Variants in PIWIL3 observed in about 807,000 individuals in gnomAD.
The protein encoded by PIWIL3 is piwi-like protein 3.
PIWIL3 carries 101 observed loss-of-function variants against 109.7 expected under a neutral mutation model. The observed-to-expected ratio is 0.92, with a 90% CI of 0.78 to 1.09. The LOEUF (loss-of-function observed/expected upper bound fraction) is 1.09, where lower values mean the gene tolerates loss of function less well. PIWIL3 is among the 50% of genes least tolerant of loss of function. PIWIL3 has a pLI of 0.00. For missense variants in PIWIL3, 1,031 were observed against 1,072.6 expected (o/e 0.96, Z 0.54); for synonymous variants, 373 against 376.4 (o/e 0.99, Z 0.10).
rs115342800 is a variant in PIWIL3, at chr22:24,761,134, G to A, written c.103-1145C>T. 3.0e-3 allele frequency among the ~76,000 whole-genome samples: 463 copies of A among 152,190 alleles called. 3 individuals are homozygous for A. The highest frequency in any genetic ancestry group is 0.01 in the African/African-American group (431 of 41,518). On this transcript the variant is annotated intron_variant, in intron 2 of 20. Transcript: ENST00000616349. Reference sequence around the variant, plus strand: ...GTGTGAGTTGTCCACGGACACCCGTGGGGGTGTTAGGTGGTGCAGGAGAGG... The same window carrying A: ...GTGTGAGTTGTCCACGGACACCCGTAGGGGTGTTAGGTGGTGCAGGAGAGG...
At chr22:24,762,245 C>T (rs1193784273) in intron 2 of PIWIL3, 153 bp downstream of exon 2, 9 of 1,295,002 alleles carry the variant, frequency 6.9e-6, no homozygotes, top group Non-Finnish European at 9.0e-6. Flanking sequence ...CCTCCCCATG[C>T]TGCCATCTAT....
chr22:24,753,531 T>C (rs74455972), intron 8 of PIWIL3, among the ~76,000 whole-genome samples: 2,929 of 152,306 alleles, frequency 0.019, 88 homozygotes, highest in African/African-American at 0.068. Flanking sequence ...CAGAACTTTC[T>C]GGTAAGTTTT....
At chr22:24,755,729 C>T (rs1303036299) in intron 6 of PIWIL3, 55 bp downstream of exon 6, 6 of 1,606,708 alleles carry the variant, frequency 3.7e-6, no homozygotes, top group Non-Finnish European at 4.3e-6. Flanking sequence ...TTCCACACCA[C>T]TACACAGTAA....
Position 24,754,825 on chromosome 22 carries a change from G to A in PIWIL3, c.732C>T (p.Asn244=), listed in dbSNP as rs376142399. The A allele has an allele frequency of 1.2e-6, 2 of 1,612,998 alleles. No homozygotes were observed. Among genetic ancestry groups the A allele is most frequent in the Admixed American group, 1.7e-5 (1 of 60,016 alleles). Residue 244 remains asparagine, a synonymous_variant, in exon 7 of 21, where the codon AAC becomes AAT. Coordinates refer to ENST00000616349, the MANE Select transcript of PIWIL3 (RefSeq NM_001255975.1). ...GAATGGCCTTCTTTTTGGTATAATA[G>A]TTGCGACCAACTTGTTCAAAATCCA... ...KLLDFEQVGR[N]YYTKKKAIQL...
In PIWIL3 at chr22:24,719,853, A is replaced by G. The variant is rs768715411; in HGVS notation, c.2400T>C (p.Thr800=). The change falls in exon 20 of 21, where the codon ACT becomes ACC. Residue 800 remains threonine (T), a synonymous_variant. Coordinates refer to ENST00000616349, the MANE Select transcript of PIWIL3 (RefSeq NM_001255975.1). ...FIVSQSVQDG[T]VTPTHYNVIY... is the part of the protein sequence containing the mutation. Reference sequence around the variant, plus strand: ...TGACGTTATAATGAGTGGGGGTAACAGTCCCATCTTGCACAGACTGACTCA... The same window carrying G: ...TGACGTTATAATGAGTGGGGGTAACGGTCCCATCTTGCACAGACTGACTCA... The G allele has an allele frequency of 6.2e-7, 1 of 1,612,138 alleles. No individual in the cohort carries two copies.
At chr22:24,724,084 C>T (rs976370520) in intron 18 of PIWIL3, among the ~76,000 whole-genome samples, 5 of 152,192 alleles carry the variant, frequency 3.3e-5, no homozygotes, top group African/African-American at 1.2e-4. Flanking sequence ...CGGTCTGCTA[C>T]TGCCAGGTCC....
intron 14 of PIWIL3, among the ~76,000 whole-genome samples, chr22:24,732,033 A>G (rs569619238): frequency 6.6e-6 from 1 of 152,336 alleles, no homozygotes; most frequent in Admixed American, 6.5e-5. Context: ...TACCTACCAT[A>G]AAGAAAACCG....
chr22:24,724,119 C>A (rs1034653000), intron 18 of PIWIL3, among the ~76,000 whole-genome samples: 1 of 152,146 alleles, frequency 6.6e-6, no homozygotes, highest in Admixed American at 6.6e-5. Flanking sequence ...TTCTGACTTG[C>A]GTGTGGAACG....
intron 12 of PIWIL3, among the ~76,000 whole-genome samples, chr22:24,740,307 G>C (rs1923923536): frequency 6.6e-6 from 1 of 151,138 alleles, no homozygotes; most frequent in Non-Finnish European, 1.5e-5. Flanking sequence ...CCAGCACTTT[G>C]GGAGCCCGAG....
intron 13 of PIWIL3, among the ~76,000 whole-genome samples, chr22:24,735,050 A>T (rs796074228): frequency 7.9e-5 from 12 of 152,216 alleles, no homozygotes; most frequent in African/African-American, 1.9e-4. Flanking sequence ...AAAAAATAAA[A>T]AAATAAAAAA....
At chr22:24,728,945 A>G (rs1351016087) in intron 14 of PIWIL3, among the ~76,000 whole-genome samples, 1 of 152,212 alleles carries the variant, frequency 6.6e-6, no homozygotes, top group East Asian at 1.9e-4. Context: ...TCCACACTAA[A>G]ATTCTTTTAA....
chr22:24,722,232 G>A (rs1414839496), intron 19 of PIWIL3, among the ~76,000 whole-genome samples: 6 of 152,014 alleles, frequency 3.9e-5, no homozygotes, highest in South Asian at 2.1e-4. Context: ...ACAGGTGCCC[G>A]CCACCATGCC....
At chr22:24,735,403 T>C (rs1923600988) in intron 13 of PIWIL3, among the ~76,000 whole-genome samples, 1 of 152,228 alleles carries the variant, frequency 6.6e-6, no homozygotes. Flanking sequence ...TTACTTTTGC[T>C]GTAAACCTAA....
chr22:24,744,676 C>A (rs1329275102), intron 12 of PIWIL3, among the ~76,000 whole-genome samples: 1 of 152,100 alleles, frequency 6.6e-6, no homozygotes, highest in Non-Finnish European at 1.5e-5. Flanking sequence ...ATAAAGTGGT[C>A]AATTCAGCAA....
intron 12 of PIWIL3, among the ~76,000 whole-genome samples, chr22:24,741,939 G>A (rs149941149): frequency 4.6e-4 from 69 of 151,480 alleles, no homozygotes; most frequent in African/African-American, 1.5e-3. Flanking sequence ...CATCCAAATC[G>A]GCAAAGAGGA....
intron 16 of PIWIL3, 48 bp downstream of exon 16, chr22:24,727,902 G>T: frequency 7.0e-7 from 1 of 1,426,348 alleles, no homozygotes; most frequent in Non-Finnish European, 9.8e-7. Context: ...TTTTCTATTT[G>T]GTCCACAGTC....
chr22:24,723,105 T>C, intron 19 of PIWIL3, 25 bp downstream of exon 19: 1 of 1,605,114 alleles, frequency 6.2e-7, no homozygotes, highest in East Asian at 2.2e-5. Flanking sequence ...CATAGAACCA[T>C]GTGCAAAAAA....
intron 12 of PIWIL3, among the ~76,000 whole-genome samples, chr22:24,737,148 A>G (rs1375670779): frequency 6.6e-6 from 1 of 152,198 alleles, no homozygotes; most frequent in Non-Finnish European, 1.5e-5. Flanking sequence ...CCCCCAACTC[A>G]ATGGCAGCAC....
intron 4 of PIWIL3, among the ~76,000 whole-genome samples, chr22:24,757,371 G>A (rs187497801): frequency 1.3e-5 from 2 of 152,296 alleles, no homozygotes; most frequent in Admixed American, 1.3e-4. Flanking sequence ...CAGCCCTTTG[G>A]GAGGCCCAGG....
Sources: gnomAD v4.1 joint callset for allele counts (sites outside exome capture counted in the v4.1 genomes callset) on GRCh38, gnomAD v4.1.1 for gene constraint, MANE v1.5 for transcripts, NCBI Gene and HGNC (gene_info 2026-07-23, HGNC 2026-07-21) for gene names.